Variants in TANC1 observed in about 807,000 individuals in gnomAD.
TANC1 encodes the protein tetratricopeptide repeat, ankyrin repeat and coiled-coil containing 1.
A neutral mutation model predicts 149.7 loss-of-function variants in TANC1; 77 were observed. The observed-to-expected ratio is 0.51, with a 90% CI of 0.43 to 0.62. The LOEUF (loss-of-function observed/expected upper bound fraction) is 0.62. Among genes scored for constraint, TANC1 ranks in the 20% least tolerant of loss-of-function variants. TANC1 has a pLI of 0.00. For synonymous variants in TANC1, 854 were observed against 925.0 expected, an observed-to-expected ratio of 0.92 and a Z score of 1.39; for missense variants, 1,985 against 2,321.8, an observed-to-expected ratio of 0.85 and a Z score of 2.98.
intron 7 of TANC1, among the ~76,000 whole-genome samples, chr2:159,154,439 G>A (rs938270332): frequency 6.6e-6 from 1 of 152,156 alleles, no homozygotes; most frequent in African/African-American, 2.4e-5. Context: ...GCCACAGGGT[G>A]CCCTGCATGT....
Position 159,186,921 on chromosome 2 carries a change from G to A in TANC1, c.2639G>A (p.Gly880Glu), listed in dbSNP as rs779225608. The change falls in exon 16 of 27, where the codon GGA becomes GAA. Residue 880 changes from glycine to glutamate, a missense_variant. Physicochemically the swap from Gly to Glu is moderately conservative, Grantham distance 98. This residue lies in a region of TANC1 where 508 missense variants were observed against 714.2 expected (regional missense o/e 0.71). Coordinates refer to ENST00000263635, the MANE Select transcript of TANC1 (RefSeq NM_033394.3). Reference sequence around the variant, plus strand: ...TTCCAGGGCCTCAGTAAGAAGACGGGAATTTCTTCAAGCCATCTCCAAGCC... The same window carrying A: ...TTCCAGGGCCTCAGTAAGAAGACGGAAATTTCTTCAAGCCATCTCCAAGCC... ...HIFKGLSKKT[G>E]ISSSHLQALW... is the part of the protein sequence containing the mutation. 1 of 1,614,190 alleles carries A rather than the reference G, an allele frequency of 6.2e-7. No individual in the cohort carries two copies. The highest frequency in any genetic ancestry group is 8.5e-7 in the Non-Finnish European group (1 of 1,180,036).
intron 19 of TANC1, among the ~76,000 whole-genome samples, chr2:159,213,110 A>G (rs2059110254): frequency 6.6e-6 from 1 of 152,092 alleles, no homozygotes; most frequent in South Asian, 2.1e-4. Flanking sequence ...ACACCCATGA[A>G]TTTTGTCTTA....
At chr2:159,000,376 G>T (rs2036519674) in intron 1 of TANC1, among the ~76,000 whole-genome samples, 1 of 152,112 alleles carries the variant, frequency 6.6e-6, no homozygotes, top group Non-Finnish European at 1.5e-5. Flanking sequence ...GGAAGAAAGG[G>T]CATTTGCTAG....
intron 2 of TANC1, among the ~76,000 whole-genome samples, chr2:159,036,694 C>A (rs773281616): frequency 3.3e-5 from 5 of 152,154 alleles, no homozygotes; most frequent in Non-Finnish European, 7.3e-5. Context: ...TGAACTCATC[C>A]TTTTTTATGG....
chr2:159,021,960 CTTAAA>C (rs1288138839), intron 2 of TANC1, among the ~76,000 whole-genome samples: 3 of 152,108 alleles, frequency 2.0e-5, no homozygotes, highest in African/African-American at 7.2e-5. Context: ...TAAAGCCTGT[CTTAAA>C]TTAAGACAGC....
chr2:159,198,589 G>C (rs551745352), intron 18 of TANC1, among the ~76,000 whole-genome samples: 2 of 152,202 alleles, frequency 1.3e-5, no homozygotes, highest in Non-Finnish European at 2.9e-5. Context: ...TTGCAAAAAC[G>C]TATATCGCTT....
rs564810972 is a variant in TANC1 at position 159,032,623 on chromosome 2, A to G, written c.-16+31434A>G. 2.0e-5 allele frequency among the ~76,000 whole-genome samples: 3 copies of G among 152,230 alleles called. No individual in the cohort carries two copies. The South Asian group carries it at 6.2e-4, about 32-fold the overall frequency. On this transcript the variant is annotated intron_variant, in intron 2 of 26. Transcript: ENST00000263635. ...TCTCTCCTGTCAGTCGCAGCTTCTC[A>G]GGGCTGTCATTGTGCCCAGATCTAA...
chr2:159,137,247 T>C (rs1463405162), intron 5 of TANC1, among the ~76,000 whole-genome samples: 1 of 152,144 alleles, frequency 6.6e-6, no homozygotes, highest in Non-Finnish European at 1.5e-5. Flanking sequence ...TGGTGCTGTA[T>C]GGCAGGGAGT....
Position 159,056,201 on chromosome 2 carries a change from T to G in TANC1, c.-15-9695T>G. On this transcript the variant is annotated intron_variant, in intron 2 of 26. Coordinates refer to ENST00000263635, the MANE Select transcript of TANC1 (RefSeq NM_033394.3). ...GATGGGAAAATCCACAAAGGTGAGC[T>G]TTCCCCTGCAAACCATGAGAATTTC... 1.3e-5 allele frequency: 3 copies of G among 236,800 alleles called. No individual in the cohort carries two copies. In the South Asian group the frequency reaches 2.1e-4, roughly 16 times the overall value. 14.7% of individuals were successfully genotyped at this position (236,800 alleles called of 1,614,324 possible). A position where few individuals can be genotyped will look rare whatever the true frequency, so the allele number is the denominator to read the frequency against.
chr2:159,228,171 G>T, intron 25 of TANC1: 1 of 573,824 alleles, frequency 1.7e-6, no homozygotes, highest in African/African-American at 1.9e-5. Flanking sequence ...GATGTTGAAG[G>T]AATGCACTTG....
At chr2:159,136,877 A>C (rs2050817226) in intron 5 of TANC1, among the ~76,000 whole-genome samples, 1 of 151,796 alleles carries the variant, frequency 6.6e-6, no homozygotes, top group Non-Finnish European at 1.5e-5. Flanking sequence ...AATATGTGTG[A>C]CATTACAAAT....
chr2:159,231,003 AAATGTGTGAACC>A lies in TANC1; in HGVS notation c.5578_*3del. On this transcript the variant is annotated stop_lost and 3_prime_UTR_variant, in exon 27 of 27. Coordinates refer to ENST00000263635, the MANE Select transcript of TANC1 (RefSeq NM_033394.3). ...AACCAAAGCGATCATTTATAGAGTC[AAATGTGTGAACC>A]TTAAGAAATCCCCATTTGTGGAATT... The A allele has an allele frequency of 6.2e-7, 1 of 1,607,738 alleles. No individual in the cohort carries two copies. The highest frequency in any genetic ancestry group is 8.5e-7 in the Non-Finnish European group (1 of 1,176,516).
intron 3 of TANC1, among the ~76,000 whole-genome samples, chr2:159,094,703 C>T (rs2045902875): frequency 6.9e-6 from 1 of 144,292 alleles, no homozygotes; most frequent in African/African-American, 2.6e-5. Flanking sequence ...CCCTGTGGTT[C>T]TGGGGATTGG....
At chr2:159,224,671 C>T (rs138229161) in intron 23 of TANC1, 455 of 309,728 alleles carry the variant, frequency 1.5e-3, no homozygotes, top group African/African-American at 8.1e-3. Flanking sequence ...GGTAGTGCTG[C>T]TGAAAGCTCC....
At chr2:159,194,848 T>G (rs947059703) in intron 17 of TANC1, among the ~76,000 whole-genome samples, 7 of 152,210 alleles carry the variant, frequency 4.6e-5, no homozygotes, top group African/African-American at 1.7e-4. Context: ...TCTCTTCTTC[T>G]TATCCCATTT....
At chr2:159,105,186 G>A (rs192477984) in intron 4 of TANC1, among the ~76,000 whole-genome samples, 2 of 150,144 alleles carry the variant, frequency 1.3e-5, no homozygotes, top group Admixed American at 1.3e-4. Flanking sequence ...AGTAGAGACG[G>A]GGTTTCACCG....
chr2:159,188,258 G>A (rs1019356507), intron 16 of TANC1, among the ~76,000 whole-genome samples: 1 of 152,226 alleles, frequency 6.6e-6, no homozygotes, highest in Non-Finnish European at 1.5e-5. Context: ...TTTTTAGAGT[G>A]TATTAAATGT....
At position 159,213,772 on chromosome 2, in the gene TANC1, G is replaced by T. The variant is rs1204857491; in HGVS notation, c.3245-3725G>T. ...ACAGGAAAAGCACTATTATGAGACT[G>T]CCCAGTGATAAGTTATTCTGGGCAC... On this transcript the variant is annotated intron_variant, in intron 19 of 26. Transcript: ENST00000263635. 2.0e-5 allele frequency among the ~76,000 whole-genome samples: 3 copies of T among 152,120 alleles called. No individual in the cohort carries two copies. In the East Asian group the frequency reaches 5.8e-4, roughly 29 times the overall value.
At chr2:159,190,437 G>C (rs2150659468) in intron 16 of TANC1, among the ~76,000 whole-genome samples, 1 of 152,268 alleles carries the variant, frequency 6.6e-6, no homozygotes, top group Admixed American at 6.5e-5. Context: ...CTCTTGCTGA[G>C]GACTGGTTTC....
Sources: gnomAD v4.1 joint callset for allele counts (sites outside exome capture counted in the v4.1 genomes callset) on GRCh38, gnomAD v4.1.1 for gene constraint, gnomAD v4.1.1 regional missense constraint, MANE v1.5 for transcripts, NCBI Gene and HGNC (gene_info 2026-07-23, HGNC 2026-07-21) for gene names.